The following AK4 variants were observed in gnomAD, a reference collection of about 807,000 sequenced individuals.
AK4 encodes the protein adenylate kinase 4.
A neutral mutation model predicts 24.6 loss-of-function variants in AK4; 13 were observed. The observed-to-expected ratio is 0.53, with a 90% CI of 0.34 to 0.84. AK4 has a LOEUF of 0.84. AK4 is among the 40% of genes least tolerant of loss of function. The pLI is 0.01. For missense variants in AK4, 192 were observed against 288.2 expected, an observed-to-expected ratio of 0.67 and a Z score of 2.42; for synonymous variants, 88 against 107.0, an observed-to-expected ratio of 0.82 and a Z score of 1.10.
intron 2 of AK4, among the ~76,000 whole-genome samples, chr1:65,205,967 G>T (rs1445086233): frequency 6.6e-6 from 1 of 152,232 alleles, no homozygotes; most frequent in Non-Finnish European, 1.5e-5. Context: ...TGCACTTACT[G>T]TTCCCTCTAC....
chr1:65,194,866 G>A (rs981289982), intron 2 of AK4, among the ~76,000 whole-genome samples: 9 of 152,004 alleles, frequency 5.9e-5, no homozygotes, highest in African/African-American at 2.2e-4. Context: ...GGCAATCTAG[G>A]GTGTTACTAG....
intron 1 of AK4, among the ~76,000 whole-genome samples, chr1:65,185,228 C>T (rs1201113039): frequency 6.6e-6 from 1 of 152,228 alleles, no homozygotes; most frequent in South Asian, 2.1e-4. Context: ...CATGTAGGCA[C>T]GTAAGGCCCC....
intron 1 of AK4, among the ~76,000 whole-genome samples, chr1:65,182,153 T>G (rs897919804): frequency 1.2e-4 from 19 of 152,326 alleles, no homozygotes; most frequent in African/African-American, 4.3e-4. Context: ...ACTCCTGGCC[T>G]CAAGGGATCA....
At chr1:65,182,537 T>TAAAAA (rs961359415) in intron 1 of AK4, among the ~76,000 whole-genome samples, 3,421 of 144,912 alleles carry the variant, frequency 0.024, 126 homozygotes, top group African/African-American at 0.082. Flanking sequence ...GACATTCAGA[T>TAAAAA]AAAAAAAAAA....
intron 2 of AK4, among the ~76,000 whole-genome samples, chr1:65,217,277 A>G (rs908206497): frequency 1.3e-5 from 2 of 152,148 alleles, no homozygotes; most frequent in Non-Finnish European, 2.9e-5. Flanking sequence ...CTGCATATTC[A>G]TGTTTGAGCC....
At chr1:65,204,411 G>A (rs1336600274) in intron 2 of AK4, among the ~76,000 whole-genome samples, 1 of 152,046 alleles carries the variant, frequency 6.6e-6, no homozygotes, top group Non-Finnish European at 1.5e-5. Context: ...ATATTGGGCA[G>A]GCTGGTCTCA....
Position 65,163,318 on chromosome 1 carries a change from C to T in AK4, c.145+14766C>T, listed in dbSNP as rs180734784. 3.7e-3 allele frequency among the ~76,000 whole-genome samples: 558 copies of T among 152,216 alleles called. 2 individuals are homozygous for T. The highest frequency in any genetic ancestry group is 6.5e-3 in the Non-Finnish European group (441 of 67,918). On this transcript the variant is annotated intron_variant, in intron 1 of 4. Coordinates refer to ENST00000327299, the MANE Select transcript of AK4 (RefSeq NM_013410.4). ...GTTTAATTGAGCAATGAATGATTCA[C>T]GAATCGGGCAGCCCTCAGAATCACA... is the stretch of plus-strand genomic sequence containing the variant.
intron 1 of AK4, chr1:65,154,471 GACAGCAAGATGGGTCACCAGCAGCTGT>G: frequency 1.9e-6 from 1 of 516,646 alleles, no homozygotes; most frequent in Non-Finnish European, 3.8e-6. Context: ...TTGCACTCCT[GACAGCAAGATGGGTCACCAGCAGCTGT>G]ACTGGAGCCA....
At chr1:65,156,294 A>G (rs770486804) in intron 1 of AK4, among the ~76,000 whole-genome samples, 1 of 151,762 alleles carries the variant, frequency 6.6e-6, no homozygotes, top group Non-Finnish European at 1.5e-5. Context: ...CTTTTTTTGG[A>G]TGTGTATCCA....
intron 1 of AK4, among the ~76,000 whole-genome samples, chr1:65,183,426 AT>A (rs914828458): frequency 9.9e-5 from 15 of 151,756 alleles, no homozygotes; most frequent in African/African-American, 3.1e-4. Context: ...AATTTTTTGT[AT>A]TTTTGGGGGT....
chr1:65,150,285 CTTT>C (rs71703627), intron 1 of AK4, among the ~76,000 whole-genome samples: 1 of 140,856 alleles, frequency 7.1e-6, no homozygotes, highest in African/African-American at 2.6e-5. Flanking sequence ...CTCTCTCTCT[CTTT>C]TTTTTTTTTA....
rs568803917 is a variant in AK4, at chr1:65,186,107, A to G, written c.146-4603A>G. Among the ~76,000 whole-genome samples, 6 of 152,218 alleles carry G rather than the reference A, an allele frequency of 3.9e-5. No individual in the cohort carries two copies. The South Asian group carries it at 8.3e-4, about 21-fold the overall frequency. On this transcript the variant is annotated intron_variant, in intron 1 of 4. Transcript: ENST00000327299. Reference sequence around the variant, plus strand: ...TCTTCAGGGTGTTCATTCATGCAACATATTTTTTAAATTTTTAAATTTTAA... The same window carrying G: ...TCTTCAGGGTGTTCATTCATGCAACGTATTTTTTAAATTTTTAAATTTTAA...
intron 1 of AK4, among the ~76,000 whole-genome samples, chr1:65,158,468 G>A (rs1166089183): frequency 2.0e-5 from 3 of 152,166 alleles, no homozygotes; most frequent in African/African-American, 4.8e-5. Context: ...CAATGAATCA[G>A]ATATTTCAAC....
intron 1 of AK4, among the ~76,000 whole-genome samples, chr1:65,159,663 A>G: frequency 6.7e-6 from 1 of 149,284 alleles, no homozygotes; most frequent in Non-Finnish European, 1.5e-5. Context: ...ACAGAGCGAA[A>G]ACCTTCTCAA....
intron 1 of AK4, among the ~76,000 whole-genome samples, chr1:65,183,524 C>T (rs927648324): frequency 6.6e-6 from 1 of 152,134 alleles, no homozygotes; most frequent in Non-Finnish European, 1.5e-5. Context: ...GGATTACAGG[C>T]GTGAGCCACT....
chr1:65,194,222 C>A (rs551349177), intron 2 of AK4, among the ~76,000 whole-genome samples: 2 of 152,372 alleles, frequency 1.3e-5, no homozygotes, highest in South Asian at 4.1e-4. Flanking sequence ...AACCACACAG[C>A]AGCTTGAAAG....
intron 3 of AK4, among the ~76,000 whole-genome samples, chr1:65,219,200 A>G (rs947342304): frequency 2.6e-5 from 4 of 151,336 alleles, no homozygotes; most frequent in African/African-American, 9.7e-5. Context: ...TACAATGTAT[A>G]TAATTATATT....
In AK4 at chr1:65,231,112, C is replaced by T. The variant is rs1178546004; in HGVS notation, c.*4935C>T. The T allele has an allele frequency of 6.6e-6, 1 of 152,106 alleles. No individual in the cohort carries two copies. Among genetic ancestry groups the T allele is most frequent in the African/African-American group, 2.4e-5 (1 of 41,416 alleles). 9.4% of individuals were successfully genotyped at this position (152,106 alleles called of 1,614,324 possible). ...TGGTCTGGTAGTAAGTTATTTCTTT[C>T]CACATGTAACTGACCCAATCTGGTT... is the stretch of plus-strand genomic sequence containing the variant. On this transcript the variant is annotated 3_prime_UTR_variant, in exon 5 of 5. Transcript: ENST00000327299.
rs1434802362 is a variant in AK4, at chr1:65,228,063, AT to A, written c.*1887del. 6.6e-6 allele frequency: 1 copy of A among 150,950 alleles called. No homozygotes were observed. The highest frequency in any genetic ancestry group is 1.5e-5 in the Non-Finnish European group (1 of 67,752). The allele number at this position is 150,950 out of a possible 1,614,324, so 9.4% of individuals were successfully genotyped here. On this transcript the variant is annotated 3_prime_UTR_variant, in exon 5 of 5. Coordinates refer to ENST00000327299, the MANE Select transcript of AK4 (RefSeq NM_013410.4). ...AATGCCAGCTGTGGAGATGGGGTGC[AT>A]ATCAGATATATAAATAAAGCTCAGG...
Sources: gnomAD v4.1 joint callset for allele counts (sites outside exome capture counted in the v4.1 genomes callset) on GRCh38, gnomAD v4.1.1 for gene constraint, MANE v1.5 for transcripts, NCBI Gene and HGNC (gene_info 2026-07-23, HGNC 2026-07-21) for gene names.